CEP131: variants seen among roughly 807,000 people sequenced by gnomAD.
CEP131 encodes centrosomal protein 131.
CEP131 carries 99 observed loss-of-function variants against 136.8 expected under a neutral mutation model. The observed-to-expected ratio is 0.72, with a 90% CI of 0.62 to 0.86. The LOEUF is 0.86. CEP131 is among the 40% of genes least tolerant of loss of function. The probability of loss-of-function intolerance (pLI) is 0.00; values close to 1 mark genes in which losing one functional copy is unlikely to be tolerated. For missense variants in CEP131, 1,459 were observed against 1,463.0 expected, an observed-to-expected ratio of 1.00 and a Z score of 0.04; for synonymous variants, 646 against 612.7, an observed-to-expected ratio of 1.05 and a Z score of -0.80.
chr17:81,191,036 C>T lies in CEP131; in HGVS notation c.2814G>A (p.Glu938=), dbSNP rs369909018. ...DKYEAELSEL[E]QSERKLQERC... is the part of the protein sequence containing the mutation. ...GCTCCTGAAGCTTCCGCTCCGACTGCTCCAGCTCGGAGAGCTCGGCCTCGT... is the reference window on the plus strand; with the variant it reads ...GCTCCTGAAGCTTCCGCTCCGACTGTTCCAGCTCGGAGAGCTCGGCCTCGT... The change falls in exon 23 of 26, where the codon GAG becomes GAA. Residue 938 remains glutamate, a synonymous_variant. Coordinates refer to ENST00000450824, the MANE Select transcript of CEP131 (RefSeq NM_014984.4). 1.4e-3 allele frequency: 2,238 copies of T among 1,610,792 alleles called. 45 individuals are homozygous for T. In the South Asian group the frequency reaches 0.023, roughly 16 times the overall value.
rs749160439 is a variant in CEP131, at chr17:81,199,402, C to A, written c.1171G>T (p.Ala391Ser). The A allele has an allele frequency of 1.2e-6, 2 of 1,605,158 alleles. No individual in the cohort carries two copies. The highest frequency in any genetic ancestry group is 4.5e-5 in the East Asian group (2 of 44,668). ...SPTPGGTAHQ[A>S]LKANNTGGGL... is the part of the protein sequence containing the mutation. The stretch of plus-strand genomic sequence containing the variant: ...TCACCAGTATTGTTGGCCTTGAGGG[C>A]CTGGTGGGCAGTGCCGCCTGGTGTG... Residue 391 changes from alanine to serine, a missense_variant, in exon 10 of 26, where the codon GCC becomes TCC. Coordinates refer to ENST00000450824, the MANE Select transcript of CEP131 (RefSeq NM_014984.4).
chr17:81,202,831 G>T (rs1480522066), intron 6 of CEP131, among the ~76,000 whole-genome samples: 3 of 152,116 alleles, frequency 2.0e-5, no homozygotes, highest in Non-Finnish European at 4.4e-5. Flanking sequence ...CGGCATGGTG[G>T]CGGGCACCTG....
At chr17:81,210,294 G>A (rs188244487) in intron 2 of CEP131, among the ~76,000 whole-genome samples, 2 of 152,276 alleles carry the variant, frequency 1.3e-5, no homozygotes, top group South Asian at 2.1e-4. Context: ...GGAGACCGCC[G>A]GGCGCGGTGG....
Position 81,196,951 on chromosome 17 carries a change from C to G in CEP131, c.1752G>C (p.Met584Ile). Residue 584 changes from methionine (M) to isoleucine (I), a missense_variant, in exon 14 of 26, where the codon ATG (methionine) becomes ATC (isoleucine). Around this residue, in one of 3 missense-constraint regions of CEP131, gnomAD observed 1,026 missense variants for 964.2 expected, o/e 1.06. Transcript: ENST00000450824. ...TTACCAGCGCTCTCTGCAGCAGCAG[C>G]ATGGCCTGCTTCTTCTCCTCCACCT... Reference protein sequence around the residue: ...KLEVEEKKQAMLLLQRALAQQ... With the variant: ...KLEVEEKKQAILLLQRALAQQ... 1 of 1,609,312 alleles carries G rather than the reference C, an allele frequency of 6.2e-7. No homozygotes were observed. Among genetic ancestry groups the G allele is most frequent in the Non-Finnish European group, 8.5e-7 (1 of 1,178,334 alleles).
intron 2 of CEP131, among the ~76,000 whole-genome samples, chr17:81,218,840 G>C (rs1172407264): frequency 6.6e-6 from 1 of 152,238 alleles, no homozygotes; most frequent in Non-Finnish European, 1.5e-5. Flanking sequence ...ACCCTGGCCT[G>C]GGCCTGCCAG....
rs2062223191 is a variant in CEP131, at chr17:81,215,348, C to T, written c.177+4532G>A. On this transcript the variant is annotated intron_variant, in intron 2 of 25. Transcript: ENST00000450824. The surrounding 1 kb of genome is among the most constrained non-coding windows in gnomAD (Gnocchi z 4.1). ...CTGGCCTCAAGTGATCCTCCCACCG[C>T]AGCCACGCAAAGTGCTGGGATTACA... Among the ~76,000 whole-genome samples the T allele has an allele frequency of 6.6e-6, 1 of 152,170 alleles. No individual in the cohort carries two copies. The highest frequency in any genetic ancestry group is 6.5e-5 in the Admixed American group (1 of 15,272).
At chr17:81,195,670 C>T (rs1397468022) in intron 16 of CEP131, among the ~76,000 whole-genome samples, 165 bp downstream of exon 16, 3 of 152,154 alleles carry the variant, frequency 2.0e-5, no homozygotes, top group Non-Finnish European at 4.4e-5. Context: ...TGGACCAGCT[C>T]GGTGCCACGG....
intron 2 of CEP131, among the ~76,000 whole-genome samples, chr17:81,218,112 G>A (rs867320180): frequency 8.1e-5 from 12 of 148,420 alleles, no homozygotes; most frequent in East Asian, 2.0e-4. Context: ...GCATGATCTC[G>A]GCTCACTGCA....
In CEP131 at chr17:81,197,745, C is replaced by G. The variant is rs1434576872; in HGVS notation, c.1614G>C (p.Lys538Asn). Residue 538 changes from lysine to asparagine, a missense_variant, in exon 13 of 26, where the codon AAG becomes AAC. Physicochemically the swap from Lys to Asn is moderately conservative, Grantham distance 94. This residue lies in a region of CEP131 where 1,026 missense variants were observed against 964.2 expected (regional missense o/e 1.06). Coordinates refer to ENST00000450824, the MANE Select transcript of CEP131 (RefSeq NM_014984.4). ...GGGAGTCCAGCTGGTCCTGCCCAGA[C>G]TTCTCCATCTCGTCCAAGAAGCTCA... ...SIMSFLDEME[K>N]SGQDQLDSQQ... 9 of 1,612,748 alleles carry G rather than the reference C, an allele frequency of 5.6e-6. No homozygotes were observed. The highest frequency in any genetic ancestry group is 7.6e-6 in the Non-Finnish European group (9 of 1,179,862).
chr17:81,204,470 G>A (rs1433349286), intron 5 of CEP131, among the ~76,000 whole-genome samples: 1 of 152,060 alleles, frequency 6.6e-6, no homozygotes, highest in East Asian at 1.9e-4. Context: ...TGGTAGGTGG[G>A]GATACTCAAC....
Position 81,196,763 on chromosome 17 carries a change from G to A in CEP131, c.1837C>T (p.Leu613=). The change falls in exon 15 of 26, where the codon CTG becomes TTG. Residue 613 remains leucine, a synonymous_variant. Transcript: ENST00000450824. ...TCGTAGTGCTCCCTCTGCCGCTGCAGCTGCCGGCTCAGCGCCTTCTCTGTC... is the reference window on the plus strand; with the variant it reads ...TCGTAGTGCTCCCTCTGCCGCTGCAACTGCCGGCTCAGCGCCTTCTCTGTC... ...KETEKALSRQ[L]QRQREHYEAT... 6.3e-7 allele frequency: 1 copy of A among 1,595,714 alleles called. No homozygotes were observed. The highest frequency in any genetic ancestry group is 8.5e-7 in the Non-Finnish European group (1 of 1,172,884).
In CEP131 at chr17:81,197,416, T is replaced by G. The variant is rs1219323439; in HGVS notation, c.1647+296A>C. ...AGCAGGGCTCCAGAGGGCTGAACTA[T>G]CCACACATATGGGCTCGTGGAGGCA... On this transcript the variant is annotated intron_variant, in intron 13 of 25. Coordinates refer to ENST00000450824, the MANE Select transcript of CEP131 (RefSeq NM_014984.4). 6 of 539,394 alleles carry G rather than the reference T, an allele frequency of 1.1e-5. No individual in the cohort carries two copies. The East Asian group carries it at 2.0e-4, about 18-fold the overall frequency. The allele number at this position is 539,394 out of a possible 1,614,324, so 33.4% of individuals were successfully genotyped here.
At position 81,208,045 on chromosome 17, in the gene CEP131, CCACA is replaced by C. The variant is rs1159110067; in HGVS notation, c.273-810_273-807del. Among the ~76,000 whole-genome samples the C allele has an allele frequency of 9.0e-6, 1 of 110,698 alleles. No homozygotes were observed. The highest frequency in any genetic ancestry group is 2.0e-5 in the Non-Finnish European group (1 of 51,008). The allele number at this position is 110,698 out of a possible 152,430, so 72.6% of individuals were successfully genotyped here. Reference sequence around the variant, plus strand: ...CACACACCCACACACCACACACCCCCCACACACACCACACTCACACCACACACCC... The same window carrying C: ...CACACACCCACACACCACACACCCCCCACACCACACTCACACCACACACCC... On this transcript the variant is annotated intron_variant, in intron 3 of 25. Coordinates refer to ENST00000450824, the MANE Select transcript of CEP131 (RefSeq NM_014984.4). This position sits in a 1 kb window ranked among gnomAD's most constrained non-coding sequence, Gnocchi z 5.6.
At chr17:81,197,617 G>T in intron 13 of CEP131, 95 bp downstream of exon 13, 3 of 1,471,824 alleles carry the variant, frequency 2.0e-6, no homozygotes, top group Non-Finnish European at 2.7e-6. Flanking sequence ...GGCCAGGTGC[G>T]GGCTGGTGAG....
Position 81,207,160 on chromosome 17 carries a change from C to G in CEP131, c.352G>C (p.Ala118Pro), listed in dbSNP as rs2062025444. 1 of 1,613,462 alleles carries G rather than the reference C, an allele frequency of 6.2e-7. No individual in the cohort carries two copies. Among genetic ancestry groups the G allele is most frequent in the African/African-American group, 1.3e-5 (1 of 74,916 alleles). ...CAGGTGGCTCCCTTCTCGCTGGGGG[C>G]TGTGCTCAGGCTGGCAGGCCTCTTT... is the stretch of plus-strand genomic sequence containing the variant. The part of the protein sequence containing the change: ...GKKRPASLST[A>P]PSEKGATWNV... Residue 118 changes from alanine (A) to proline (P), a missense_variant, in exon 4 of 26, where the codon GCC (alanine) becomes CCC (proline). Physicochemically the swap from Ala to Pro is conservative, Grantham distance 27. Around this residue, in one of 3 missense-constraint regions of CEP131, gnomAD observed 187 missense variants for 179.9 expected, o/e 1.04. Coordinates refer to ENST00000450824, the MANE Select transcript of CEP131 (RefSeq NM_014984.4).
intron 1 of CEP131, among the ~76,000 whole-genome samples, chr17:81,220,644 G>A (rs1186379895): frequency 2.6e-5 from 4 of 152,024 alleles, no homozygotes; most frequent in Non-Finnish European, 4.4e-5. Context: ...ACAGGTGCCC[G>A]CCACCACGCC....
intron 2 of CEP131, among the ~76,000 whole-genome samples, chr17:81,217,527 C>T (rs988012995): frequency 6.6e-5 from 10 of 152,062 alleles, no homozygotes; most frequent in East Asian, 1.9e-4. Flanking sequence ...GGCAGGTGGC[C>T]GAGAGGATGG....
intron 2 of CEP131, among the ~76,000 whole-genome samples, chr17:81,211,183 G>A (rs963890333): frequency 2.6e-5 from 4 of 152,220 alleles, no homozygotes; most frequent in African/African-American, 7.2e-5. Flanking sequence ...CGTTCTCCAC[G>A]CTGGGGCCAC....
At chr17:81,212,625 A>G (rs898673451) in intron 2 of CEP131, among the ~76,000 whole-genome samples, 1 of 151,466 alleles carries the variant, frequency 6.6e-6, no homozygotes, top group East Asian at 1.9e-4. Context: ...ATAGCACAGC[A>G]TTGGTGGTGT....
Sources: gnomAD v4.1 joint callset for allele counts (sites outside exome capture counted in the v4.1 genomes callset) on GRCh38, gnomAD v4.1.1 for gene constraint, gnomAD v4.1.1 regional missense constraint, Gnocchi (gnomAD v3.1) non-coding constraint, MANE v1.5 for transcripts, NCBI Gene and HGNC (gene_info 2026-07-23, HGNC 2026-07-21) for gene names.